Variants in CCDC12 observed in about 807,000 individuals in gnomAD.
CCDC12 encodes coiled-coil domain-containing protein 12.
In CCDC12, 28 loss-of-function variants were observed where a neutral mutation model predicts 25.7. That is an observed-to-expected ratio of 1.09 (90% CI 0.81 to 1.50). The LOEUF (loss-of-function observed/expected upper bound fraction) is 1.50. Among genes scored for constraint, CCDC12 ranks in the 40% most tolerant of loss-of-function variants. The probability of loss-of-function intolerance (pLI) is 0.00; values close to 1 mark genes in which losing one functional copy is unlikely to be tolerated. For synonymous variants in CCDC12, 75 were observed against 87.7 expected (o/e 0.86, Z 0.81); for missense variants, 198 against 210.0 (o/e 0.94, Z 0.35).
At chr3:46,971,893 G>A (rs940095845) in intron 1 of CCDC12, among the ~76,000 whole-genome samples, 1 of 152,122 alleles carries the variant, frequency 6.6e-6, no homozygotes, top group East Asian at 1.9e-4. Context: ...ATGTGAAGCC[G>A]CTTCCTCTCT....
chr3:46,981,372 G>A (rs2035322521), upstream of CCDC12, among the ~76,000 whole-genome samples: 1 of 152,108 alleles, frequency 6.6e-6, no homozygotes, highest in Non-Finnish European at 1.5e-5. Flanking sequence ...AACCAGGGAG[G>A]CAGAGGTTGC....
intron 2 of CCDC12, among the ~76,000 whole-genome samples, chr3:46,932,546 C>T (rs376435770): frequency 7.2e-5 from 11 of 152,206 alleles, no homozygotes; most frequent in African/African-American, 2.7e-4. Flanking sequence ...TAAAACCTCC[C>T]TTCCCTTCTC....
At position 46,928,726 on chromosome 3, in the gene CCDC12, G is replaced by A. The variant is rs542156625; in HGVS notation, c.165-3191C>T. Among the ~76,000 whole-genome samples the A allele has an allele frequency of 3.1e-4, 47 of 152,294 alleles. No individual in the cohort carries two copies. The Middle Eastern group carries it at 0.01, about 33-fold the overall frequency. ...TTTTTCAGACAAAGAAAGGTTAGGA[G>A]AATCAGTTATCAGTGAATCCGTTAT... On this transcript the variant is annotated intron_variant, in intron 2 of 6. Transcript: ENST00000683445.
chr3:46,957,329 T>C (rs925899769), intron 1 of CCDC12, among the ~76,000 whole-genome samples: 6 of 152,222 alleles, frequency 3.9e-5, no homozygotes, highest in Non-Finnish European at 5.9e-5. Context: ...AGTTTCCTCA[T>C]TGAGCCATTT....
intron 1 of CCDC12, chr3:46,976,182 T>C (rs141274534): frequency 3.3e-4 from 129 of 387,742 alleles, no homozygotes; most frequent in African/African-American, 2.7e-3. Flanking sequence ...TCCGGCTGTA[T>C]ACCCACTGCT....
At chr3:46,972,263 G>A (rs1460623777) in intron 1 of CCDC12, among the ~76,000 whole-genome samples, 1 of 152,192 alleles carries the variant, frequency 6.6e-6, no homozygotes, top group Non-Finnish European at 1.5e-5. Flanking sequence ...GAGGCCAGGT[G>A]TTTGAGATCA....
At chr3:46,957,787 C>T (rs1434305682) in intron 1 of CCDC12, among the ~76,000 whole-genome samples, 1 of 151,500 alleles carries the variant, frequency 6.6e-6, no homozygotes, top group Non-Finnish European at 1.5e-5. Flanking sequence ...ACTAAAAATA[C>T]AAAAAATTAG....
At chr3:46,939,662 G>C (rs2033614105) in intron 2 of CCDC12, among the ~76,000 whole-genome samples, 1 of 152,142 alleles carries the variant, frequency 6.6e-6, no homozygotes, top group African/African-American at 2.4e-5. Context: ...AGTGCCGGCA[G>C]ACCCACTCAC....
At chr3:46,956,028 T>C (rs1482939871) in intron 1 of CCDC12, among the ~76,000 whole-genome samples, 3 of 152,238 alleles carry the variant, frequency 2.0e-5, no homozygotes, top group Admixed American at 6.5e-5. Flanking sequence ...TAATAAAAGA[T>C]AGGCCCACAT....
upstream of CCDC12, among the ~76,000 whole-genome samples, chr3:46,978,047 A>G (rs1396890230): frequency 6.6e-6 from 1 of 152,248 alleles, no homozygotes; most frequent in Non-Finnish European, 1.5e-5. Context: ...CCAGGGGACA[A>G]CTAGCCTCTT....
chr3:46,977,422 G>A (rs925652161), upstream of CCDC12, among the ~76,000 whole-genome samples: 15 of 149,340 alleles, frequency 1.0e-4, no homozygotes, highest in South Asian at 3.1e-3. Flanking sequence ...GCAGTGAGCC[G>A]AGATCGTGCC....
intron 2 of CCDC12, among the ~76,000 whole-genome samples, chr3:46,936,507 T>C (rs2033448005): frequency 2.6e-5 from 4 of 152,190 alleles, no homozygotes; most frequent in African/African-American, 9.7e-5. Context: ...TTTATTTCAT[T>C]TTTTTCCACC....
chr3:46,951,827 A>ATATATATATATATATATATATATAT (rs1328099662), intron 1 of CCDC12, among the ~76,000 whole-genome samples: 1 of 105,768 alleles, frequency 9.5e-6, no homozygotes, highest in Non-Finnish European at 1.9e-5. Flanking sequence ...ATATATACTT[A>ATATATATATATATATATATATATAT]ATGAGGATCA....
intron 5 of CCDC12, 161 bp from the exon 6 acceptor site, chr3:46,922,473 C>T (rs1036657353): frequency 2.9e-5 from 20 of 694,362 alleles, no homozygotes; most frequent in African/African-American, 5.3e-5. Context: ...CTGTACCCTC[C>T]GAAACCCAGC....
At chr3:46,963,631 T>A (rs1336895816) in intron 1 of CCDC12, among the ~76,000 whole-genome samples, 2 of 152,226 alleles carry the variant, frequency 1.3e-5, no homozygotes, top group East Asian at 3.8e-4. Flanking sequence ...GGTTTTCGTA[T>A]TTTTTTGGTG....
upstream of CCDC12, chr3:46,979,587 C>T (rs2035155621): frequency 3.8e-6 from 1 of 264,778 alleles, no homozygotes; most frequent in South Asian, 1.7e-4. Flanking sequence ...CTGCCAGGCT[C>T]TCCGCCCTTT....
chr3:46,938,518 G>GTTTTTTTTTTTTTTT (rs66474878), intron 2 of CCDC12, among the ~76,000 whole-genome samples: 1 of 91,380 alleles, frequency 1.1e-5, no homozygotes, highest in Non-Finnish European at 2.0e-5. Context: ...TTCCCCTCCT[G>GTTTTTTTTTTTTTTT]TTTTTTTTTT....
intron 2 of CCDC12, among the ~76,000 whole-genome samples, chr3:46,933,545 C>G (rs1215607675): frequency 3.9e-5 from 6 of 152,356 alleles, no homozygotes; most frequent in African/African-American, 9.6e-5. Flanking sequence ...GAGCTGCCAT[C>G]GCATCTGCAT....
At chr3:46,963,578 G>A (rs901395816) in intron 1 of CCDC12, among the ~76,000 whole-genome samples, 5 of 152,170 alleles carry the variant, frequency 3.3e-5, no homozygotes, top group Non-Finnish European at 5.9e-5. Context: ...GCCTCAGCCT[G>A]CCGAGTGCCT....
Sources: allele counts gnomAD v4.1 joint callset (sites outside exome capture counted in the v4.1 genomes callset), GRCh38; gene constraint gnomAD v4.1.1; transcripts MANE v1.5; gene names NCBI Gene and HGNC (gene_info 2026-07-23, HGNC 2026-07-21).